Variants in SPTBN1 observed in about 807,000 individuals in gnomAD.
The protein encoded by SPTBN1 is spectrin beta chain, non-erythrocytic 1.
In SPTBN1, 32 loss-of-function variants were observed where a neutral mutation model predicts 266.4. The observed-to-expected ratio is 0.12, with a 90% confidence interval of 0.09 to 0.16. The LOEUF (loss-of-function observed/expected upper bound fraction) is 0.16. Among genes scored for constraint, SPTBN1 ranks in the 10% least tolerant of loss-of-function variants. SPTBN1 has a pLI of 1.00. For missense variants in SPTBN1, 2,296 were observed against 3,067.1 expected (o/e 0.75, Z 5.94); for synonymous variants, 1,336 against 1,162.2 (o/e 1.15, Z -3.04).
chr2:54,560,575 C>T (rs1322836598), intron 2 of SPTBN1, among the ~76,000 whole-genome samples: 5 of 152,084 alleles, frequency 3.3e-5, no homozygotes, highest in African/African-American at 7.2e-5. Context: ...AAATCATGTG[C>T]CCCTGATATT....
rs1317715235 is a variant in SPTBN1 at position 54,647,254 on chromosome 2, C to G, written c.4990C>G (p.Pro1664Ala). ...TSRALVADSH[P>A]ESERISMRQS... ...CCGGGCCCTGGTGGCCGACAGCCAT[C>G]CTGAAAGGTGAGCGCTGCTTCATGA... The change falls in exon 24 of 36, where the codon CCT becomes GCT. Residue 1664 changes from proline (P) to alanine (A), a missense_variant. Around this residue, in one of 12 missense-constraint regions of SPTBN1, gnomAD observed 644 missense variants for 745.3 expected, o/e 0.86. Coordinates refer to ENST00000356805, the MANE Select transcript of SPTBN1 (RefSeq NM_003128.3). 2 of 1,613,708 alleles carry G rather than the reference C, an allele frequency of 1.2e-6. No homozygotes were observed. Among genetic ancestry groups the G allele is most frequent in the Admixed American group, 3.3e-5 (2 of 60,004 alleles).
At chr2:54,583,048 G>C (rs146620797) in intron 2 of SPTBN1, among the ~76,000 whole-genome samples, 1 of 152,220 alleles carries the variant, frequency 6.6e-6, no homozygotes, top group African/African-American at 2.4e-5. Context: ...TAATTCCTCC[G>C]TCATCTAGGA....
chr2:54,664,472 C>G lies in SPTBN1; in HGVS notation c.6440C>G (p.Thr2147Arg), dbSNP rs370849619. 9 of 1,612,630 alleles carry G rather than the reference C, an allele frequency of 5.6e-6. No homozygotes were observed. Among genetic ancestry groups the G allele is most frequent in the Non-Finnish European group, 7.6e-6 (9 of 1,178,844 alleles). ...GSPRMAETVD[T>R]SEMVNGATEQ... is the part of the protein sequence containing the mutation. ...CCCTAGATGGCAGAAACGGTGGACA[C>G]AAGCGAAATGGTCAACGGCGCTACA... The change falls in exon 33 of 36, where the codon ACA becomes AGA. Residue 2147 changes from threonine to arginine, a missense_variant. Thr to Arg is a moderately conservative substitution (Grantham distance 71, BLOSUM62 -1). This residue lies in a region of SPTBN1 where 347 missense variants were observed against 368.5 expected (regional missense o/e 0.94). Transcript: ENST00000356805. The surrounding 1 kb of genome is among the most constrained non-coding windows in gnomAD (Gnocchi z 5.6).
Position 54,540,231 on chromosome 2 carries a change from A to G in SPTBN1, c.148+13665A>G, listed in dbSNP as rs1671855402. On this transcript the variant is annotated intron_variant, in intron 2 of 35. Transcript: ENST00000356805. The surrounding 1 kb of genome is among the most constrained non-coding windows in gnomAD (Gnocchi z 5.6). ...AGATGAATTTTTCTTTTCTAGTAAT[A>G]AACAGAAGTAAGACCAGCTGATTGA... is the stretch of plus-strand genomic sequence containing the variant. Among the ~76,000 whole-genome samples the G allele has an allele frequency of 6.6e-6, 1 of 152,222 alleles. No homozygotes were observed. Among genetic ancestry groups the G allele is most frequent in the South Asian group, 2.1e-4 (1 of 4,834 alleles).
intron 26 of SPTBN1, among the ~76,000 whole-genome samples, chr2:54,651,931 T>C (rs1315859782): frequency 6.6e-6 from 1 of 152,204 alleles, no homozygotes; most frequent in Admixed American, 6.5e-5. Flanking sequence ...TTTTAACCTG[T>C]TATCACCTAA....
At position 54,646,421 on chromosome 2, in the gene SPTBN1, C is replaced by T. The variant is rs375138607; in HGVS notation, c.4812C>T (p.Ala1604=). Residue 1604 remains alanine (A), a synonymous_variant, in exon 23 of 36, where the codon GCC becomes GCT. Transcript: ENST00000356805. The surrounding 1 kb of genome is among the most constrained non-coding windows in gnomAD (Gnocchi z 4.4). ...AGTACTACTTTGACGCTGCTGAGGC[C>T]GAAGCCTGGATGAGCGAGCAGGAGC... ...AQQYYFDAAE[A]EAWMSEQELY... 85 of 1,593,216 alleles carry T rather than the reference C, an allele frequency of 5.3e-5. No individual in the cohort carries two copies. The highest frequency in any genetic ancestry group is 4.3e-4 in the South Asian group (38 of 88,748).
intron 2 of SPTBN1, among the ~76,000 whole-genome samples, chr2:54,555,289 C>T (rs1165288512): frequency 6.6e-6 from 1 of 152,174 alleles, no homozygotes. Context: ...GCTCTAGTTC[C>T]ACATCCCTGA....
chr2:54,524,181 A>G (rs1423485236), intron 1 of SPTBN1, among the ~76,000 whole-genome samples: 1 of 152,138 alleles, frequency 6.6e-6, no homozygotes, highest in Non-Finnish European at 1.5e-5. Context: ...CCTGGGTGAC[A>G]GAGCGAAACT....
At chr2:54,627,063 C>T (rs763694415) in intron 12 of SPTBN1, among the ~76,000 whole-genome samples, 6 of 149,942 alleles carry the variant, frequency 4.0e-5, no homozygotes, top group African/African-American at 9.7e-5. Flanking sequence ...TGTCTCAGCA[C>T]GCTGTGTTCC....
At chr2:54,504,430 C>T (rs1470381863) in intron 1 of SPTBN1, among the ~76,000 whole-genome samples, 1 of 152,282 alleles carries the variant, frequency 6.6e-6, no homozygotes, top group East Asian at 1.9e-4. Context: ...GTATCCATGG[C>T]TTCTGCATCT....
chr2:54,618,406 G>T (rs1379041049), intron 7 of SPTBN1, among the ~76,000 whole-genome samples: 1 of 152,246 alleles, frequency 6.6e-6, no homozygotes, highest in Non-Finnish European at 1.5e-5. Flanking sequence ...CTGAAGGAGA[G>T]CGTGTGCGGG....
intron 1 of SPTBN1, among the ~76,000 whole-genome samples, chr2:54,460,621 CCT>C (rs1274116843): frequency 6.6e-6 from 1 of 152,140 alleles, no homozygotes; most frequent in African/African-American, 2.4e-5. Context: ...AATGTCCTGC[CCT>C]CTCGTCCAGT....
intron 2 of SPTBN1, among the ~76,000 whole-genome samples, chr2:54,575,378 A>G (rs1053450839): frequency 1.3e-5 from 2 of 152,250 alleles, no homozygotes; most frequent in African/African-American, 4.8e-5. Flanking sequence ...GCTATTGATG[A>G]GTAAATTCTT....
At chr2:54,485,613 C>A (rs535238731) in intron 1 of SPTBN1, among the ~76,000 whole-genome samples, 1 of 152,112 alleles carries the variant, frequency 6.6e-6, no homozygotes, top group African/African-American at 2.4e-5. Flanking sequence ...CGGCCGCCAC[C>A]CCATCTGGGA....
chr2:54,495,206 G>A (rs1279216769), intron 1 of SPTBN1, among the ~76,000 whole-genome samples: 1 of 152,128 alleles, frequency 6.6e-6, no homozygotes, highest in Non-Finnish European at 1.5e-5. Flanking sequence ...AGGACAGCAG[G>A]GACCATACAT....
chr2:54,522,669 A>AG (rs1460917879), intron 1 of SPTBN1, among the ~76,000 whole-genome samples: 4 of 99,974 alleles, frequency 4.0e-5, no homozygotes, highest in South Asian at 6.4e-4. Context: ...AGAGAGAGAG[A>AG]GAGAGAGAGG....
intron 2 of SPTBN1, among the ~76,000 whole-genome samples, chr2:54,587,288 G>A (rs990422851): frequency 2.6e-5 from 4 of 152,146 alleles, no homozygotes; most frequent in Non-Finnish European, 4.4e-5. Context: ...AATATTTACT[G>A]CTTCTTTAAT....
chr2:54,506,123 CTAAATAAATAAATAAATAAA>C (rs56815057), intron 1 of SPTBN1, among the ~76,000 whole-genome samples: 20 of 145,438 alleles, frequency 1.4e-4, no homozygotes, highest in Non-Finnish European at 2.7e-4. Flanking sequence ...GACTCCGTCT[CTAAATAAATAAATAAATAAA>C]TAAATAAATA....
At chr2:54,483,157 TC>T (rs1668184658) in intron 1 of SPTBN1, among the ~76,000 whole-genome samples, 1 of 152,184 alleles carries the variant, frequency 6.6e-6, no homozygotes, top group African/African-American at 2.4e-5. Context: ...TTTTATCTCT[TC>T]TGCTGGAGAA....
Sources: allele counts gnomAD v4.1 joint callset (sites outside exome capture counted in the v4.1 genomes callset), GRCh38; gene constraint gnomAD v4.1.1; regional missense constraint gnomAD v4.1.1; non-coding constraint Gnocchi (gnomAD v3.1); transcripts MANE v1.5; gene names NCBI Gene and HGNC (gene_info 2026-07-23, HGNC 2026-07-21).